AGO3: variants seen among roughly 807,000 people sequenced by gnomAD.
AGO3 encodes protein argonaute-3.
In AGO3, 16 loss-of-function variants were observed where a neutral mutation model predicts 105.5. That is an observed-to-expected ratio of 0.15 (90% CI 0.10 to 0.23). AGO3 has a LOEUF of 0.23. AGO3 is among the 10% of genes least tolerant of loss of function. AGO3 has a pLI of 1.00. For missense variants in AGO3, 534 were observed against 1,088.0 expected (o/e 0.49, Z 7.16); for synonymous variants, 340 against 367.3 (o/e 0.93, Z 0.85).
chr1:36,010,694 G>A (rs1174117772), intron 9 of AGO3, among the ~76,000 whole-genome samples: 1 of 151,676 alleles, frequency 6.6e-6, no homozygotes, highest in Non-Finnish European at 1.5e-5. Context: ...GATCACCTGA[G>A]GTTGGGAGTT....
chr1:36,022,591 T>C (rs1367399050), intron 11 of AGO3, among the ~76,000 whole-genome samples: 3 of 152,046 alleles, frequency 2.0e-5, no homozygotes, highest in African/African-American at 7.2e-5. Flanking sequence ...TCAGATCCCA[T>C]TGATCATCCA....
At chr1:35,931,019 G>C, upstream of AGO3, 1 of 366,226 alleles carries the variant, frequency 2.7e-6, no homozygotes, top group Non-Finnish European at 4.9e-6. Context: ...GCTCCGGCAC[G>C]GCTCGGGGCC....
chr1:36,016,480 C>G (rs936206717), intron 11 of AGO3, among the ~76,000 whole-genome samples: 2 of 152,248 alleles, frequency 1.3e-5, no homozygotes, highest in Middle Eastern at 3.4e-3. Flanking sequence ...CTGCGCCTGG[C>G]CTAGGTTACA....
At chr1:35,975,526 T>C (rs1162984168) in intron 5 of AGO3, among the ~76,000 whole-genome samples, 1 of 152,190 alleles carries the variant, frequency 6.6e-6, no homozygotes. Context: ...TTTTGACCTT[T>C]GGTATTGTGA....
intron 5 of AGO3, among the ~76,000 whole-genome samples, chr1:35,975,878 A>G (rs760108743): frequency 9.4e-5 from 14 of 149,644 alleles, no homozygotes; most frequent in Middle Eastern, 3.2e-3. Context: ...GATTACTTTC[A>G]TTTTCAAGAG....
chr1:35,989,885 A>G (rs1647453147), intron 5 of AGO3, among the ~76,000 whole-genome samples: 1 of 152,074 alleles, frequency 6.6e-6, no homozygotes, highest in Non-Finnish European at 1.5e-5. Context: ...AAAAAAAAAT[A>G]AAAAGACCAT....
At chr1:35,995,687 TTTC>T (rs1648264735) in intron 5 of AGO3, among the ~76,000 whole-genome samples, 1 of 152,112 alleles carries the variant, frequency 6.6e-6, no homozygotes, top group Non-Finnish European at 1.5e-5. Context: ...CAAAGATTTT[TTTC>T]TTCTTTCGAG....
In AGO3 at chr1:35,952,926, T is replaced by G. The variant is rs1386342432; in HGVS notation, c.191+7063T>G. On this transcript the variant is annotated intron_variant, in intron 2 of 18. Coordinates refer to ENST00000373191, the MANE Select transcript of AGO3 (RefSeq NM_024852.4). ...TATTGCTGAATAATATTCCATTGTATGGATATAATACATTTTGTTTATCCA... is the reference window on the plus strand; with the variant it reads ...TATTGCTGAATAATATTCCATTGTAGGGATATAATACATTTTGTTTATCCA... 3.9e-5 allele frequency among the ~76,000 whole-genome samples: 6 copies of G among 152,234 alleles called. No homozygotes were observed. In the South Asian group the frequency reaches 8.3e-4, roughly 21 times the overall value.
intron 14 of AGO3, 32 bp downstream of exon 14, chr1:36,036,299 G>C: frequency 6.3e-7 from 1 of 1,592,230 alleles, no homozygotes; most frequent in Non-Finnish European, 8.6e-7. Flanking sequence ...CTTACCTAAG[G>C]TTGACAGACC....
chr1:36,051,930 A>G (rs766152222), intron 17 of AGO3, among the ~76,000 whole-genome samples: 1 of 152,138 alleles, frequency 6.6e-6, no homozygotes, highest in Non-Finnish European at 1.5e-5. Flanking sequence ...AAAGACAAAG[A>G]ATGCAGAGAA....
intron 9 of AGO3, 110 bp downstream of exon 9, chr1:36,009,704 C>T: frequency 8.8e-7 from 1 of 1,135,578 alleles, no homozygotes; most frequent in African/African-American, 1.6e-5. Context: ...CATGGACTGT[C>T]AGAATTAAAA....
intron 1 of AGO3, among the ~76,000 whole-genome samples, chr1:35,939,839 C>A (rs1007826884): frequency 6.6e-5 from 10 of 152,068 alleles, no homozygotes; most frequent in Non-Finnish European, 1.2e-4. Flanking sequence ...ACGCAGTCAT[C>A]AACCCACGTC....
At chr1:36,021,021 C>T (rs1347808097) in intron 11 of AGO3, among the ~76,000 whole-genome samples, 2 of 152,082 alleles carry the variant, frequency 1.3e-5, no homozygotes, top group Non-Finnish European at 2.9e-5. Flanking sequence ...CAACCTCTGC[C>T]TCCCAGGGTC....
At chr1:36,006,019 T>G (rs1258294341) in intron 6 of AGO3, among the ~76,000 whole-genome samples, 5 of 152,174 alleles carry the variant, frequency 3.3e-5, no homozygotes, top group Non-Finnish European at 7.3e-5. Flanking sequence ...TTCTTAGGTA[T>G]TTATGATCCT....
At chr1:35,991,234 G>C (rs1037738254) in intron 5 of AGO3, among the ~76,000 whole-genome samples, 4 of 152,130 alleles carry the variant, frequency 2.6e-5, no homozygotes, top group African/African-American at 9.7e-5. Flanking sequence ...GGCAGAGGTT[G>C]CAGTGAGCCA....
chr1:36,003,550 C>T (rs909227213), intron 5 of AGO3, among the ~76,000 whole-genome samples: 5 of 151,166 alleles, frequency 3.3e-5, no homozygotes, highest in Admixed American at 6.6e-5. Flanking sequence ...CTATATTGGT[C>T]GGACGTGGTG....
chr1:36,012,560 G>A (rs1017814442), intron 9 of AGO3, among the ~76,000 whole-genome samples: 1 of 151,664 alleles, frequency 6.6e-6, no homozygotes. Context: ...TTATAATATG[G>A]CACTGAAAAT....
rs1052992755 is a variant in AGO3 at position 36,061,736 on chromosome 1, AT to A, written c.*5992del. On this transcript the variant is annotated 3_prime_UTR_variant, in exon 19 of 19. Transcript: ENST00000373191. ...GTAGACTCTTGAGTTAAATTTTTTAATCATTTTTTAAAGCAAGGCGGTTCTT... is the reference window on the plus strand; with the variant it reads ...GTAGACTCTTGAGTTAAATTTTTTAACATTTTTTAAAGCAAGGCGGTTCTT... 2.6e-5 allele frequency: 4 copies of A among 152,174 alleles called. No homozygotes were observed. Among genetic ancestry groups the A allele is most frequent in the African/African-American group, 9.7e-5 (4 of 41,440 alleles). 9.4% of individuals were successfully genotyped at this position (152,174 alleles called of 1,614,324 possible).
At position 36,069,836 on chromosome 1, in the gene AGO3, C is replaced by T. The variant is rs1306257500; in HGVS notation, c.*14091C>T. 1 of 152,116 alleles carries T rather than the reference C, an allele frequency of 6.6e-6. No individual in the cohort carries two copies. Among genetic ancestry groups the T allele is most frequent in the Non-Finnish European group, 1.5e-5 (1 of 68,036 alleles). 9.4% of individuals were successfully genotyped at this position (152,116 alleles called of 1,614,324 possible). On this transcript the variant is annotated 3_prime_UTR_variant, in exon 19 of 19. Transcript: ENST00000373191. The stretch of plus-strand genomic sequence containing the variant: ...CTTTGGGAGGCCGAGGTAGGTGGAT[C>T]ACTTGAGGTCAGGAGTTCGAGACCA...
Sources: gnomAD v4.1 joint callset for allele counts (sites outside exome capture counted in the v4.1 genomes callset) on GRCh38, gnomAD v4.1.1 for gene constraint, MANE v1.5 for transcripts, NCBI Gene and HGNC (gene_info 2026-07-23, HGNC 2026-07-21) for gene names.